CC2D1B: variants seen among roughly 807,000 people sequenced by gnomAD.
CC2D1B encodes the protein coiled-coil and C2 domain containing 1B, also known as coiled-coil and C2 domain-containing protein 1B.
CC2D1B carries 92 observed loss-of-function variants against 110.8 expected under a neutral mutation model. That is an observed-to-expected ratio of 0.83 (90% CI 0.70 to 0.99). CC2D1B has a LOEUF of 0.99. Among genes scored for constraint, CC2D1B ranks in the 50% least tolerant of loss-of-function variants. The pLI, the probability that CC2D1B is intolerant of heterozygous loss-of-function variation, is 0.00. For synonymous variants in CC2D1B, 406 were observed against 429.2 expected (o/e 0.95, Z 0.67); for missense variants, 1,136 against 1,089.0 (o/e 1.04, Z -0.61).
chr1:52,365,683 C>T (rs1337862285), intron 1 of CC2D1B, among the ~76,000 whole-genome samples: 1 of 152,324 alleles, frequency 6.6e-6, no homozygotes, highest in Non-Finnish European at 1.5e-5. Context: ...CCCATTCTGG[C>T]ACCAAAGGGG....
In CC2D1B at chr1:52,355,805, G is replaced by A; in HGVS notation, c.2094C>T (p.Ile698=). The change falls in exon 19 of 25, where the codon ATC becomes ATT. Residue 698 remains isoleucine, a synonymous_variant. Coordinates refer to ENST00000284376, the MANE Select transcript of CC2D1B (RefSeq NM_001330585.2). ...CTGGGAGGTTCATTCCCCGGACAAT[G>A]ATCAGATGCATTTCTGTGCTGTTGA... ...SELNSTEMHL[I]IVRGMNLPAP... The A allele has an allele frequency of 1.2e-6, 2 of 1,614,128 alleles. No individual in the cohort carries two copies. Among genetic ancestry groups the A allele is most frequent in the Non-Finnish European group, 1.7e-6 (2 of 1,180,012 alleles).
chr1:52,360,982 C>T lies in CC2D1B; in HGVS notation c.469G>A (p.Ala157Thr), dbSNP rs1338444676. 3 of 1,613,978 alleles carry T rather than the reference C, an allele frequency of 1.9e-6. No individual in the cohort carries two copies. The highest frequency in any genetic ancestry group is 2.5e-6 in the Non-Finnish European group (3 of 1,180,018). The change falls in exon 5 of 25, where the codon GCA becomes ACA. Residue 157 changes from alanine to threonine, a missense_variant. Ala to Thr is a moderately conservative substitution (Grantham distance 58). Transcript: ENST00000284376. Reference sequence around the variant, plus strand: ...CCTCCTCCAGAACCCACCTGAGCTGCTGGGGCTGAAGCTGTCAGGACGGCT... The same window carrying T: ...CCTCCTCCAGAACCCACCTGAGCTGTTGGGGCTGAAGCTGTCAGGACGGCT... ...QTAVLTASAP[A>T]AQAGASQGLH...
At chr1:52,355,925 GC>G in intron 18 of CC2D1B, 81 bp from the exon 19 acceptor site, 1 of 1,421,616 alleles carries the variant, frequency 7.0e-7, no homozygotes, top group Non-Finnish European at 1.0e-6. Flanking sequence ...GGGCCTGTCT[GC>G]CCAGCTGGGT....
rs183342424 is a variant in CC2D1B at position 52,361,961 on chromosome 1, A to G, written c.215-345T>C. On this transcript the variant is annotated intron_variant, in intron 3 of 24. Coordinates refer to ENST00000284376, the MANE Select transcript of CC2D1B (RefSeq NM_001330585.2). ...GCTTCAAAACAAATCTGCAAGATGG[A>G]TAATATCCCCTTTTCATATATTGAA... is the stretch of plus-strand genomic sequence containing the variant. Among the ~76,000 whole-genome samples the G allele has an allele frequency of 7.9e-5, 12 of 152,396 alleles. No homozygotes were observed. The East Asian group carries it at 1.9e-3, about 24-fold the overall frequency.
chr1:52,360,464 C>G lies in CC2D1B; in HGVS notation c.563G>C (p.Gly188Ala), dbSNP rs1053451465. ...GCAGCGCCTGGCTTTGGCTGCTTCG[C>G]CTGCCTCCTTGGCACTGGCCGCAGC... ...REAAASAKEA[G>A]EAAKARRCER... Residue 188 changes from glycine (G) to alanine (A), a missense_variant, in exon 6 of 25, where the codon GGC becomes GCC. Gly to Ala is a moderately conservative substitution (Grantham distance 60). Transcript: ENST00000284376. 6.2e-6 allele frequency: 10 copies of G among 1,614,006 alleles called. No individual in the cohort carries two copies. The highest frequency in any genetic ancestry group is 1.7e-5 in the Admixed American group (1 of 60,032).
chr1:52,354,786 A>T, intron 22 of CC2D1B, 54 bp downstream of exon 22: 1 of 1,602,236 alleles, frequency 6.2e-7, no homozygotes, highest in East Asian at 2.2e-5. Flanking sequence ...AGCAGTGACA[A>T]ACGCTCTTCC....
intron 7 of CC2D1B, 21 bp downstream of exon 7, chr1:52,360,053 G>A: frequency 6.4e-7 from 1 of 1,562,232 alleles, no homozygotes; most frequent in Non-Finnish European, 8.7e-7. Flanking sequence ...ACTAGAACAG[G>A]ATTTGGGCAT....
Position 52,356,981 on chromosome 1 carries a change from C to G in CC2D1B, c.1878+20G>C. 1 of 1,548,126 alleles carries G rather than the reference C, an allele frequency of 6.5e-7. No homozygotes were observed. Among genetic ancestry groups the G allele is most frequent in the Non-Finnish European group, 8.7e-7 (1 of 1,145,652 alleles). On this transcript the variant is annotated intron_variant, in intron 16 of 24. Coordinates refer to ENST00000284376, the MANE Select transcript of CC2D1B (RefSeq NM_001330585.2). ...AGGCTGTGGGCACAGAGGGGAGGAACAGACGAGGGGCCTGCTGACCTCTTG... is the reference window on the plus strand; with the variant it reads ...AGGCTGTGGGCACAGAGGGGAGGAAGAGACGAGGGGCCTGCTGACCTCTTG...
chr1:52,360,655 G>T, intron 5 of CC2D1B, 106 bp from the exon 6 acceptor site: 2 of 1,474,848 alleles, frequency 1.4e-6, no homozygotes, highest in Admixed American at 4.5e-5. Flanking sequence ...GACTCCAGGA[G>T]AAAGAAGAGC....
Position 52,357,001 on chromosome 1 carries a change from C to A in CC2D1B, c.1878G>T (p.Glu626Asp), listed in dbSNP as rs763656067. ...AGGAACAGACGAGGGGCCTGCTGAC[C>A]TCTTGTTGCTCCAGAAGCATTTTTT... is the stretch of plus-strand genomic sequence containing the variant. ...QLQKMLLEQQ[E>D]KCLLFSKQFM... is the part of the protein sequence containing the mutation. The change falls in exon 16 of 25, where the codon GAG becomes GAT. Residue 626 changes from glutamate (E) to aspartate (D), a missense_variant and splice_region_variant. By Grantham distance (45) the Glu-to-Asp change is conservative. Transcript: ENST00000284376. 11 of 1,553,462 alleles carry A rather than the reference C, an allele frequency of 7.1e-6. No individual in the cohort carries two copies. The highest frequency in any genetic ancestry group is 9.6e-6 in the Non-Finnish European group (11 of 1,148,182).
In CC2D1B at chr1:52,359,740, G is replaced by A; in HGVS notation, c.907C>T (p.Leu303=). 1 of 1,609,288 alleles carries A rather than the reference G, an allele frequency of 6.2e-7. No homozygotes were observed. The highest frequency in any genetic ancestry group is 8.5e-7 in the Non-Finnish European group (1 of 1,177,908). ...AALSAKRAGE[L]DRARELMRIG... is the part of the protein sequence containing the mutation. ...CTCATGAGCTCTCGGGCACGGTCTA[G>A]CTCTCCAGCCCGCTTGGCACTGAGG... Residue 303 remains leucine (L), a synonymous_variant, in exon 8 of 25, where the codon CTA becomes TTA. Transcript: ENST00000284376.
chr1:52,356,394 C>T lies in CC2D1B; in HGVS notation c.1927G>A (p.Glu643Lys), dbSNP rs775409144. ...KQFMHQGNVA[E>K]TTRFEKLAQD... The stretch of plus-strand genomic sequence containing the variant: ...AGCCCTTGCACTTACCGGGTGGTCT[C>T]AGCCACGTTGCCCTGGTGCATGAAC... Residue 643 changes from glutamate to lysine, a missense_variant, in exon 17 of 25, where the codon GAG (glutamate) becomes AAG (lysine). Physicochemically the swap from Glu to Lys is moderately conservative, Grantham distance 56 (BLOSUM62 1). Transcript: ENST00000284376. The T allele has an allele frequency of 6.2e-7, 1 of 1,614,260 alleles. No homozygotes were observed. Among genetic ancestry groups the T allele is most frequent in the South Asian group, 1.1e-5 (1 of 91,092 alleles).
chr1:52,365,790 G>A (rs1407583134), intron 1 of CC2D1B, among the ~76,000 whole-genome samples: 2 of 152,228 alleles, frequency 1.3e-5, no homozygotes, highest in Non-Finnish European at 2.9e-5. Flanking sequence ...GCGGCGGGGA[G>A]CGGGCGGAGG....
chr1:52,356,843 T>C (rs1646663783), intron 16 of CC2D1B, 158 bp downstream of exon 16: 4 of 788,612 alleles, frequency 5.1e-6, no homozygotes, highest in Non-Finnish European at 8.0e-6. Flanking sequence ...ATGAGGAAAA[T>C]GTAGTTCAGA....
At chr1:52,358,037 TAA>T (rs1646693068) in intron 13 of CC2D1B, 139 bp from the exon 14 acceptor site, 2 of 1,306,616 alleles carry the variant, frequency 1.5e-6, no homozygotes, top group South Asian at 1.6e-5. Flanking sequence ...TCCTGGGTCC[TAA>T]AAGATCTGAG....
chr1:52,361,867 T>G, intron 3 of CC2D1B, among the ~76,000 whole-genome samples: 1 of 152,214 alleles, frequency 6.6e-6, no homozygotes, highest in East Asian at 1.9e-4. Flanking sequence ...GACATAGACA[T>G]GGCCATCCAC....
chr1:52,354,469 T>C (rs762662895), intron 23 of CC2D1B, 139 bp downstream of exon 23: 2 of 804,478 alleles, frequency 2.5e-6, no homozygotes, highest in African/African-American at 1.7e-5. Context: ...GAAATGAGGA[T>C]TCCACCTACT....
At chr1:52,361,216 C>T in intron 4 of CC2D1B, 84 bp from the exon 5 acceptor site, 1 of 1,518,090 alleles carries the variant, frequency 6.6e-7, no homozygotes, top group Non-Finnish European at 9.0e-7. Flanking sequence ...GACCCTCTCT[C>T]TCAGCAATAT....
intron 1 of CC2D1B, 21 bp from the exon 2 acceptor site, chr1:52,364,655 T>C: frequency 1.3e-6 from 2 of 1,559,886 alleles, no homozygotes; most frequent in Non-Finnish European, 1.8e-6. Context: ...GTTACAGAGA[T>C]TCAGGCTGGA....
Sources: allele counts gnomAD v4.1 joint callset (sites outside exome capture counted in the v4.1 genomes callset), GRCh38; gene constraint gnomAD v4.1.1; transcripts MANE v1.5; gene names NCBI Gene and HGNC (gene_info 2026-07-23, HGNC 2026-07-21).